The following TRA2A variants were observed in gnomAD, a reference collection of about 807,000 sequenced individuals.
TRA2A encodes the protein transformer-2 protein homolog alpha.
In TRA2A, 31 loss-of-function variants were observed where a neutral mutation model predicts 45.7. The observed-to-expected ratio is 0.68, with a 90% confidence interval of 0.51 to 0.92. The LOEUF (loss-of-function observed/expected upper bound fraction) is 0.92, where lower values mean the gene tolerates loss of function less well. Ranked by LOEUF, TRA2A falls within the 40% of genes least tolerant of loss-of-function variation. The pLI, the probability that TRA2A is intolerant of heterozygous loss-of-function variation, is 0.00. For synonymous variants in TRA2A, 132 were observed against 126.2 expected (o/e 1.05, Z -0.31); for missense variants, 304 against 367.5 (o/e 0.83, Z 1.41).
At chr7:23,509,614 T>C (rs1013644433) in intron 4 of TRA2A, among the ~76,000 whole-genome samples, 2 of 152,054 alleles carry the variant, frequency 1.3e-5, no homozygotes, top group South Asian at 2.1e-4. Context: ...CATGCACCTA[T>C]AGTCCTAGCT....
In TRA2A at chr7:23,506,227, ACCTCCACCGCCGCCGCCT is replaced by A. The variant is rs1157568278; in HGVS notation, c.663_680del (p.Gly226_Gly231del). On this transcript the variant is annotated inframe_deletion, in exon 6 of 8. Transcript: ENST00000297071. ...AATCTCGACGTCTGCCACCACCTCC[ACCTCCACCGCCGCCGCCT>A]CCTCCACCACCCCCACCACTACTGC... is the stretch of plus-strand genomic sequence containing the variant. 2.5e-6 allele frequency: 4 copies of A among 1,611,422 alleles called. No homozygotes were observed. The highest frequency in any genetic ancestry group is 1.1e-5 in the South Asian group (1 of 90,878).
chr7:23,518,833 G>A (rs1289613294), intron 2 of TRA2A, among the ~76,000 whole-genome samples: 3 of 151,668 alleles, frequency 2.0e-5, no homozygotes, highest in Non-Finnish European at 4.4e-5. Context: ...CTACGGGCCT[G>A]TGCCACCACA....
At chr7:23,509,511 G>A (rs996448594) in intron 4 of TRA2A, among the ~76,000 whole-genome samples, 1 of 152,048 alleles carries the variant, frequency 6.6e-6, no homozygotes, top group Non-Finnish European at 1.5e-5. Flanking sequence ...CAAGATGGGG[G>A]GATCATGAGG....
chr7:23,515,968 A>C (rs1404880443), intron 3 of TRA2A, among the ~76,000 whole-genome samples: 3 of 151,852 alleles, frequency 2.0e-5, no homozygotes, highest in African/African-American at 7.2e-5. Context: ...TGAGGTCAGG[A>C]GTTTGAGACC....
At chr7:23,510,926 G>A (rs1390746224) in intron 4 of TRA2A, among the ~76,000 whole-genome samples, 2 of 151,994 alleles carry the variant, frequency 1.3e-5, no homozygotes, top group Non-Finnish European at 2.9e-5. Context: ...GTACTAGTTT[G>A]TTAGAGTTAT....
At chr7:23,524,586 G>A (rs933289680) in intron 1 of TRA2A, among the ~76,000 whole-genome samples, 2 of 152,020 alleles carry the variant, frequency 1.3e-5, no homozygotes, top group Non-Finnish European at 2.9e-5. Flanking sequence ...TTATCTCAGA[G>A]GAAATCTCAG....
chr7:23,517,586 T>C (rs754821154), intron 2 of TRA2A, among the ~76,000 whole-genome samples: 1 of 139,054 alleles, frequency 7.2e-6, no homozygotes, highest in African/African-American at 2.7e-5. Context: ...ACTTCTATTT[T>C]AAAAAAAAAA....
chr7:23,531,348 G>T, intron 1 of TRA2A: 1 of 686,410 alleles, frequency 1.5e-6, no homozygotes, highest in Non-Finnish European at 1.8e-6. Flanking sequence ...GCAGCCCCGC[G>T]CACTTTCGAT....
In TRA2A at chr7:23,506,195, T is replaced by C. The variant is rs745848365; in HGVS notation, c.713A>G (p.Tyr238Cys). ...GGGGRRRDSY[Y>C]DRGYDRGYDR... ...ATACCCACGATCATATCCTCTATCATAGTAAGAATCTCGACGTCTGCCACC... is the reference window on the plus strand; with the variant it reads ...ATACCCACGATCATATCCTCTATCACAGTAAGAATCTCGACGTCTGCCACC... Residue 238 changes from tyrosine (Y) to cysteine (C), a missense_variant, in exon 6 of 8, where the codon TAT (tyrosine) becomes TGT (cysteine). Transcript: ENST00000297071. 6 of 1,613,820 alleles carry C rather than the reference T, an allele frequency of 3.7e-6. No individual in the cohort carries two copies. Among genetic ancestry groups the C allele is most frequent in the East Asian group, 4.5e-5 (2 of 44,884 alleles).
chr7:23,505,955 AC>A, intron 6 of TRA2A, 142 bp from the exon 7 acceptor site: 1 of 696,400 alleles, frequency 1.4e-6, no homozygotes, highest in South Asian at 2.6e-5. Context: ...TGCCAATGAG[AC>A]CAGAAAAGTA....
At chr7:23,508,819 A>G (rs189027558) in intron 4 of TRA2A, among the ~76,000 whole-genome samples, 1 of 151,722 alleles carries the variant, frequency 6.6e-6, no homozygotes, top group African/African-American at 2.4e-5. Context: ...TTGTAGAGAC[A>G]AGATCTGTTG....
At position 23,505,065 on chromosome 7, in the gene TRA2A, T is replaced by C. The variant is rs1321964802; in HGVS notation, c.*494A>G. ...TACAGGAGTTCACAAGCTTTTCATC[T>C]CTAAAAAAAAACTTTCAACTACCTG... On this transcript the variant is annotated 3_prime_UTR_variant, in exon 8 of 8. Transcript: ENST00000297071. 6.6e-6 allele frequency: 1 copy of C among 152,592 alleles called. No individual in the cohort carries two copies. Among genetic ancestry groups the C allele is most frequent in the Non-Finnish European group, 1.5e-5 (1 of 68,504 alleles). 9.5% of individuals were successfully genotyped at this position (152,592 alleles called of 1,614,324 possible). A position where few individuals can be genotyped will look rare whatever the true frequency, so the allele number is the denominator to read the frequency against.
At position 23,520,821 on chromosome 7, in the gene TRA2A, T is replaced by A. The variant is rs537143463; in HGVS notation, c.170+886A>T. Among the ~76,000 whole-genome samples the A allele has an allele frequency of 8.6e-5, 13 of 151,892 alleles. No homozygotes were observed. The South Asian group carries it at 2.7e-3, about 32-fold the overall frequency. On this transcript the variant is annotated intron_variant, in intron 2 of 7. Transcript: ENST00000297071. The stretch of plus-strand genomic sequence containing the variant: ...GATTCTCCTGCCTAAGCCTCCCAGG[T>A]AGCTGGGACTACAGGTGCCCGCCAC...
intron 1 of TRA2A, among the ~76,000 whole-genome samples, chr7:23,524,191 T>C (rs569376877): frequency 6.6e-6 from 1 of 152,308 alleles, no homozygotes; most frequent in East Asian, 1.9e-4. Flanking sequence ...TGTTAGCTTA[T>C]TTATTTTAAG....
intron 5 of TRA2A, 46 bp downstream of exon 5, chr7:23,507,374 T>C (rs933630596): frequency 4.0e-6 from 6 of 1,512,756 alleles, no homozygotes; most frequent in Non-Finnish European, 5.5e-6. Flanking sequence ...TTTGCACATA[T>C]TTCTGGTGGA....
intron 3 of TRA2A, among the ~76,000 whole-genome samples, chr7:23,516,099 C>A (rs949799458): frequency 6.6e-6 from 1 of 151,956 alleles, no homozygotes; most frequent in South Asian, 2.1e-4. Flanking sequence ...GAAATTGCAC[C>A]CCTGCACTCC....
intron 2 of TRA2A, among the ~76,000 whole-genome samples, chr7:23,521,446 TTTC>T (rs1387926346): frequency 3.3e-5 from 5 of 152,190 alleles, no homozygotes; most frequent in Admixed American, 2.0e-4. Context: ...TTAGTATTGA[TTTC>T]TTATTTTTTC....
intron 5 of TRA2A, chr7:23,507,085 G>A: frequency 4.6e-6 from 1 of 218,764 alleles, no homozygotes. Context: ...GAGCCAGCCA[G>A]GAGGGTTGTA....
At chr7:23,529,144 C>G (rs774431833) in intron 1 of TRA2A, among the ~76,000 whole-genome samples, 1 of 152,024 alleles carries the variant, frequency 6.6e-6, no homozygotes, top group Non-Finnish European at 1.5e-5. Context: ...GCTCAAAATC[C>G]GAATTTTAGT....
Sources: allele counts gnomAD v4.1 joint callset (sites outside exome capture counted in the v4.1 genomes callset), GRCh38; gene constraint gnomAD v4.1.1; transcripts MANE v1.5; gene names NCBI Gene and HGNC (gene_info 2026-07-23, HGNC 2026-07-21).